FAM178B: variants seen among roughly 807,000 people sequenced by gnomAD.
The protein encoded by FAM178B is family with sequence similarity 178 member B, also known as protein FAM178B.
In FAM178B, 82 loss-of-function variants were observed where a neutral mutation model predicts 91.7. That is an observed-to-expected ratio of 0.89 (90% CI 0.75 to 1.07). The LOEUF is 1.07. Ranked by LOEUF, FAM178B falls within the 50% of genes least tolerant of loss-of-function variation. FAM178B has a pLI of 0.00. For synonymous variants in FAM178B, 368 were observed against 359.4 expected (o/e 1.02, Z -0.27); for missense variants, 769 against 846.7 (o/e 0.91, Z 1.14).
At chr2:96,916,833 C>T (rs1048119579) in intron 12 of FAM178B, among the ~76,000 whole-genome samples, 1 of 152,196 alleles carries the variant, frequency 6.6e-6, no homozygotes, top group African/African-American at 2.4e-5. Context: ...ACCAGTCAGT[C>T]GAGCAGACAA....
Position 96,929,229 on chromosome 2 carries a change from C to CA in FAM178B, c.1169dup (p.Pro392AlafsTer17). The CA allele has an allele frequency of 6.4e-7, 1 of 1,551,412 alleles. No homozygotes were observed. The highest frequency in any genetic ancestry group is 8.7e-7 in the Non-Finnish European group (1 of 1,146,776). On this transcript the variant is annotated frameshift_variant, in exon 9 of 17. Transcript: ENST00000490605. LOFTEE classifies it high-confidence loss of function. The stretch of plus-strand genomic sequence containing the variant: ...ACCTGCCACCGTGCCAAAAGGGCCC[C>CA]AGAGGGTACAGGGCAGGACTGTGGG...
At chr2:96,878,628 A>G in intron 14 of FAM178B, 135 bp from the exon 15 acceptor site, 1 of 765,614 alleles carries the variant, frequency 1.3e-6, no homozygotes, top group South Asian at 1.6e-5. Flanking sequence ...GCTTTCAGCA[A>G]CAGTTTCCAG....
intron 5 of FAM178B, among the ~76,000 whole-genome samples, chr2:96,964,876 T>A (rs1440468420): frequency 6.6e-6 from 1 of 152,150 alleles, no homozygotes; most frequent in Non-Finnish European, 1.5e-5. Flanking sequence ...CTGGCTTCCC[T>A]GCAACCTGCT....
intron 1 of FAM178B, among the ~76,000 whole-genome samples, chr2:96,974,043 T>C (rs919903355): frequency 6.6e-6 from 1 of 151,148 alleles, no homozygotes; most frequent in African/African-American, 2.4e-5. Context: ...ATTTAAGATA[T>C]GAATTATAAT....
intron 6 of FAM178B, among the ~76,000 whole-genome samples, chr2:96,955,132 A>G (rs1296743993): frequency 6.6e-6 from 1 of 152,192 alleles, no homozygotes; most frequent in Non-Finnish European, 1.5e-5. Context: ...TTGGGAGGCC[A>G]AGGCAGGTGG....
At chr2:96,923,403 C>G in intron 10 of FAM178B, 87 bp downstream of exon 10, 1 of 1,055,536 alleles carries the variant, frequency 9.5e-7, no homozygotes, top group Non-Finnish European at 1.4e-6. Flanking sequence ...GCCGGAGATT[C>G]TCCGTGATGC....
At chr2:96,986,056 G>C (rs879862930) in intron 1 of FAM178B, among the ~76,000 whole-genome samples, 185 bp downstream of exon 1, 1 of 152,196 alleles carries the variant, frequency 6.6e-6, no homozygotes, top group Non-Finnish European at 1.5e-5. Flanking sequence ...TGGAGAGGAG[G>C]GCCCGGCTCA....
intron 7 of FAM178B, chr2:96,949,889 TG>T (rs1439773360): frequency 1.3e-6 from 1 of 762,096 alleles, no homozygotes; most frequent in East Asian, 1.3e-4. Flanking sequence ...CCATCAGGCC[TG>T]GCTCCGAGGC....
intron 14 of FAM178B, among the ~76,000 whole-genome samples, chr2:96,881,270 CAAAAAAAA>C (rs1168855038): frequency 1.6e-5 from 1 of 64,380 alleles, no homozygotes; most frequent in Non-Finnish European, 3.5e-5. Context: ...AAGCTGGTCT[CAAAAAAAA>C]AAAAAAAAAA....
intron 12 of FAM178B, among the ~76,000 whole-genome samples, chr2:96,909,672 T>TC (rs996320589): frequency 3.9e-5 from 6 of 152,190 alleles, no homozygotes; most frequent in African/African-American, 1.2e-4. Flanking sequence ...TCTTTTTTTT[T>TC]CACACGTCTT....
chr2:96,878,367 A>G, intron 15 of FAM178B, 49 bp downstream of exon 15: 1 of 1,561,162 alleles, frequency 6.4e-7, no homozygotes, highest in African/African-American at 1.4e-5. Context: ...TTGGGGGAGA[A>G]GACACAGCTG....
intron 6 of FAM178B, among the ~76,000 whole-genome samples, chr2:96,958,022 C>T (rs1252212105): frequency 6.6e-6 from 1 of 150,540 alleles, no homozygotes; most frequent in Non-Finnish European, 1.5e-5. Context: ...ATTTTATCAT[C>T]TAATTGGAAT....
At chr2:96,878,340 C>T (rs1326578861) in intron 15 of FAM178B, 76 bp downstream of exon 15, 1 of 1,438,814 alleles carries the variant, frequency 7.0e-7, no homozygotes, top group African/African-American at 1.4e-5. Context: ...GGCGCCATCC[C>T]AGCCAACCCC....
In FAM178B at chr2:96,966,175, G is replaced by A. The variant is rs148011809; in HGVS notation, c.734+1345C>T. Among the ~76,000 whole-genome samples the A allele has an allele frequency of 4.8e-3, 726 of 151,782 alleles. 5 individuals carry two copies. The highest frequency in any genetic ancestry group is 7.5e-3 in the Non-Finnish European group (512 of 67,948). On this transcript the variant is annotated intron_variant, in intron 5 of 16. Coordinates refer to ENST00000490605, the MANE Select transcript of FAM178B (RefSeq NM_001122646.3). ...AGCCCCCTCCTCCAGGCTCCCACACGCCAGGTGCACTCCCACAGCAGGGTC... is the reference window on the plus strand; with the variant it reads ...AGCCCCCTCCTCCAGGCTCCCACACACCAGGTGCACTCCCACAGCAGGGTC...
intron 9 of FAM178B, among the ~76,000 whole-genome samples, chr2:96,928,629 A>T (rs11889996): frequency 0.18 from 27,600 of 152,116 alleles, 2,869 homozygotes; most frequent in African/African-American, 0.27. Context: ...GATACTAACC[A>T]GGCTGTGAAG....
intron 5 of FAM178B, among the ~76,000 whole-genome samples, chr2:96,961,124 C>T (rs980145788): frequency 1.3e-5 from 2 of 151,872 alleles, no homozygotes; most frequent in East Asian, 1.9e-4. Flanking sequence ...AAAGAAGGGA[C>T]GAGGAGAAGG....
At chr2:96,887,575 C>T (rs2080559159) in intron 14 of FAM178B, among the ~76,000 whole-genome samples, 1 of 152,216 alleles carries the variant, frequency 6.6e-6, no homozygotes, top group African/African-American at 2.4e-5. Flanking sequence ...GCGTTGAGAA[C>T]AGAGCGTTTC....
chr2:96,900,925 C>T (rs989966651), intron 13 of FAM178B, among the ~76,000 whole-genome samples: 1 of 152,166 alleles, frequency 6.6e-6, no homozygotes, highest in Non-Finnish European at 1.5e-5. Flanking sequence ...TAGAGATGCA[C>T]AGCCTCTAGC....
Position 96,972,036 on chromosome 2 carries a change from C to T in FAM178B, c.429G>A (p.Leu143=), listed in dbSNP as rs948355125. The T allele has an allele frequency of 9.7e-6, 15 of 1,551,432 alleles. No individual in the cohort carries two copies. The Admixed American group carries it at 1.4e-4, about 14-fold the overall frequency. The change falls in exon 3 of 17, where the codon CTG becomes CTA. Residue 143 remains leucine (L), a synonymous_variant. Coordinates refer to ENST00000490605, the MANE Select transcript of FAM178B (RefSeq NM_001122646.3). ...CGGGCAGCTCACCAGCCAGTCTCCTCAGGCCCTGGGGGCCCACCACACCCA... is the reference window on the plus strand; with the variant it reads ...CGGGCAGCTCACCAGCCAGTCTCCTTAGGCCCTGGGGGCCCACCACACCCA... The part of the protein sequence containing the change: ...RWVGVVGPQG[L]RRLAGELPEE...
Sources: allele counts gnomAD v4.1 joint callset (sites outside exome capture counted in the v4.1 genomes callset), GRCh38; gene constraint gnomAD v4.1.1; transcripts MANE v1.5; gene names NCBI Gene and HGNC (gene_info 2026-07-23, HGNC 2026-07-21).